The following PIGL variants were observed in gnomAD, a reference collection of about 807,000 sequenced individuals.
PIGL encodes the protein N-acetylglucosaminyl-phosphatidylinositol de-N-acetylase.
In PIGL, 22 loss-of-function variants were observed where a neutral mutation model predicts 31.1. That is an observed-to-expected ratio of 0.71 (90% CI 0.51 to 1.01). The LOEUF (loss-of-function observed/expected upper bound fraction) is 1.01. Ranked by LOEUF, PIGL falls within the 50% of genes least tolerant of loss-of-function variation. PIGL has a pLI of 0.00. For missense variants in PIGL, 302 were observed against 315.9 expected (o/e 0.96, Z 0.33); for synonymous variants, 131 against 117.4 (o/e 1.12, Z -0.75).
At chr17:16,243,330 G>A (rs1371131936) in intron 2 of PIGL, among the ~76,000 whole-genome samples, 2 of 152,210 alleles carry the variant, frequency 1.3e-5, no homozygotes, top group Non-Finnish European at 2.9e-5. Context: ...GATTACAGGC[G>A]TGAGCCACCG....
intron 2 of PIGL, among the ~76,000 whole-genome samples, chr17:16,278,486 C>T (rs1479239869): frequency 6.6e-6 from 1 of 152,154 alleles, no homozygotes; most frequent in Non-Finnish European, 1.5e-5. Flanking sequence ...AAACCCTTTA[C>T]AATTTTTGTT....
chr17:16,269,167 A>G (rs969903603), intron 2 of PIGL, among the ~76,000 whole-genome samples: 14 of 152,236 alleles, frequency 9.2e-5, no homozygotes, highest in African/African-American at 3.4e-4. Context: ...AGATGAGGAA[A>G]CTGAGTCGGG....
intron 2 of PIGL, among the ~76,000 whole-genome samples, chr17:16,291,660 G>A (rs1469827645): frequency 6.6e-6 from 1 of 151,992 alleles, no homozygotes; most frequent in Non-Finnish European, 1.5e-5. Flanking sequence ...GAGGTCAGGA[G>A]TTCGAGACCA....
At chr17:16,238,320 C>A (rs1470246798) in intron 2 of PIGL, among the ~76,000 whole-genome samples, 2 of 151,480 alleles carry the variant, frequency 1.3e-5, no homozygotes, top group African/African-American at 4.9e-5. Context: ...GATTATGATG[C>A]CTGCAATTTA....
chr17:16,284,576 G>A (rs563575354), intron 2 of PIGL, among the ~76,000 whole-genome samples: 1 of 152,224 alleles, frequency 6.6e-6, no homozygotes, highest in East Asian at 1.9e-4. Flanking sequence ...ATATTTTGCA[G>A]GCCTGCACTT....
At chr17:16,234,767 A>G (rs1051640807) in intron 2 of PIGL, among the ~76,000 whole-genome samples, 3 of 152,178 alleles carry the variant, frequency 2.0e-5, no homozygotes, top group African/African-American at 7.2e-5. Flanking sequence ...TCCGTCTCAA[A>G]AATAATAATA....
chr17:16,319,584 G>A (rs1237284706), intron 6 of PIGL, among the ~76,000 whole-genome samples: 1 of 151,912 alleles, frequency 6.6e-6, no homozygotes, highest in Non-Finnish European at 1.5e-5. Flanking sequence ...GCGAAACCCC[G>A]TCTCTACTAA....
intron 2 of PIGL, among the ~76,000 whole-genome samples, chr17:16,269,877 T>C (rs748981336): frequency 6.6e-6 from 1 of 152,104 alleles, no homozygotes; most frequent in Non-Finnish European, 1.5e-5. Context: ...AATGAGTCAT[T>C]GCATCTTTCA....
chr17:16,217,665 T>A (rs1317520231), intron 1 of PIGL: 13 of 560,430 alleles, frequency 2.3e-5, no homozygotes, highest in Non-Finnish European at 4.1e-5. Flanking sequence ...GCTCGCGTAC[T>A]ACGCCAGCAG....
At chr17:16,284,581 G>C (rs532407622) in intron 2 of PIGL, among the ~76,000 whole-genome samples, 1 of 152,262 alleles carries the variant, frequency 6.6e-6, no homozygotes, top group South Asian at 2.1e-4. Context: ...TTGCAGGCCT[G>C]CACTTGATGG....
intron 3 of PIGL, among the ~76,000 whole-genome samples, chr17:16,311,549 T>A (rs190297489): frequency 7.2e-6 from 1 of 139,426 alleles, no homozygotes; most frequent in African/African-American, 2.7e-5. Flanking sequence ...GGAGGGAAGG[T>A]CAGCAGATAA....
chr17:16,244,491 CA>C (rs766197522), intron 2 of PIGL, among the ~76,000 whole-genome samples: 9 of 152,192 alleles, frequency 5.9e-5, no homozygotes, highest in Non-Finnish European at 1.3e-4. Context: ...CCTGCCTGTG[CA>C]GTGTCTGCTT....
intron 2 of PIGL, among the ~76,000 whole-genome samples, chr17:16,291,323 A>G (rs1454821630): frequency 2.0e-5 from 3 of 151,790 alleles, no homozygotes; most frequent in African/African-American, 7.3e-5. Flanking sequence ...CCTGGCCAAC[A>G]TGGTGAAACC....
At chr17:16,296,312 C>A (rs2092981764) in intron 2 of PIGL, among the ~76,000 whole-genome samples, 1 of 151,954 alleles carries the variant, frequency 6.6e-6, no homozygotes, top group Non-Finnish European at 1.5e-5. Context: ...CAAGGGACTG[C>A]AAGAAAGAAG....
Position 16,234,012 on chromosome 17 carries a change from T to C in PIGL, c.277T>C (p.Leu93=), listed in dbSNP as rs778047142. The C allele has an allele frequency of 6.2e-7, 1 of 1,610,322 alleles. No homozygotes were observed. Among genetic ancestry groups the C allele is most frequent in the African/African-American group, 1.3e-5 (1 of 74,982 alleles). The change falls in exon 2 of 7, where the codon TTG becomes CTG. Residue 93 remains leucine (L), a synonymous_variant. Transcript: ENST00000225609. ...NQGETRKKEL[L]QSCDVLGIPL... is the part of the protein sequence containing the mutation. Reference sequence around the variant, plus strand: ...AGGAGAGACTCGTAAGAAAGAACTTTTGCAGAGCTGTGATGTTTTGGGGAT... The same window carrying C: ...AGGAGAGACTCGTAAGAAAGAACTTCTGCAGAGCTGTGATGTTTTGGGGAT...
intron 2 of PIGL, among the ~76,000 whole-genome samples, chr17:16,261,876 T>C (rs529256939): frequency 6.6e-6 from 1 of 151,882 alleles, no homozygotes; most frequent in South Asian, 2.1e-4. Context: ...AATGCTAGGA[T>C]TATAGGTGTC....
chr17:16,294,809 C>T (rs2092974562), intron 2 of PIGL, among the ~76,000 whole-genome samples: 1 of 152,170 alleles, frequency 6.6e-6, no homozygotes, highest in Admixed American at 6.5e-5. Flanking sequence ...AGTGGCATGT[C>T]CATCAGCAGG....
At chr17:16,264,897 G>T (rs2092835869) in intron 2 of PIGL, among the ~76,000 whole-genome samples, 1 of 152,148 alleles carries the variant, frequency 6.6e-6, no homozygotes, top group Non-Finnish European at 1.5e-5. Context: ...AAAGTGCTGG[G>T]ATTACAGGCG....
intron 5 of PIGL, 147 bp from the exon 6 acceptor site, chr17:16,317,628 C>T (rs1463315888): frequency 1.9e-5 from 28 of 1,474,838 alleles, no homozygotes; most frequent in Admixed American, 9.2e-5. Context: ...GGGCACAGGG[C>T]AGCTTTAGTG....
Sources: allele counts gnomAD v4.1 joint callset (sites outside exome capture counted in the v4.1 genomes callset), GRCh38; gene constraint gnomAD v4.1.1; transcripts MANE v1.5; gene names NCBI Gene and HGNC (gene_info 2026-07-23, HGNC 2026-07-21).